The following CDC42BPA variants were observed in gnomAD, a reference collection of about 807,000 sequenced individuals.
The protein encoded by CDC42BPA is serine/threonine-protein kinase MRCK alpha.
In CDC42BPA, 80 loss-of-function variants were observed where a neutral mutation model predicts 223.5. The ratio of observed to expected loss-of-function variants is 0.36; its 90% CI spans 0.30 to 0.43. The LOEUF (loss-of-function observed/expected upper bound fraction) is 0.43. Ranked by LOEUF, CDC42BPA falls within the 20% of genes least tolerant of loss-of-function variation. The pLI is 1.00. For missense variants in CDC42BPA, 1,743 were observed against 2,099.9 expected (o/e 0.83, Z 3.32); for synonymous variants, 694 against 718.6 (o/e 0.97, Z 0.55).
At position 227,051,861 on chromosome 1, in the gene CDC42BPA, G is replaced by C. The variant is rs34111989; in HGVS notation, c.3009+20C>G. The C allele has an allele frequency of 0.19, 243,874 of 1,301,764 alleles. 23,289 individuals carry two copies. The highest frequency in any genetic ancestry group is 0.2 in the Non-Finnish European group (191,429 of 962,962). The allele number at this position is 1,301,764 out of a possible 1,614,324, so 80.6% of individuals were successfully genotyped here. ...GACACAAGTGAAAAGTTGGGGAGCA[G>C]GGATGCTCCAATAAGGCACCTTAAC... On this transcript the variant is annotated intron_variant, in intron 22 of 36. Transcript: ENST00000366766.
intron 7 of CDC42BPA, among the ~76,000 whole-genome samples, chr1:227,146,254 T>TC (rs1324730704): frequency 6.6e-6 from 1 of 152,136 alleles, no homozygotes; most frequent in East Asian, 1.9e-4. Flanking sequence ...CAAGTAACTT[T>TC]CTCAACATTA....
At chr1:227,083,460 C>T (rs1238345010) in intron 16 of CDC42BPA, among the ~76,000 whole-genome samples, 3 of 152,140 alleles carry the variant, frequency 2.0e-5, no homozygotes, top group Non-Finnish European at 4.4e-5. Flanking sequence ...ACAAATCACA[C>T]GATTAAAGTC....
At chr1:227,210,291 T>C (rs1049323774) in intron 3 of CDC42BPA, among the ~76,000 whole-genome samples, 1 of 152,174 alleles carries the variant, frequency 6.6e-6, no homozygotes, top group Admixed American at 6.5e-5. Flanking sequence ...TCTTAAACTT[T>C]CTTTGTATGG....
chr1:227,265,239 T>C (rs1463058528), intron 1 of CDC42BPA: 1 of 557,288 alleles, frequency 1.8e-6, no homozygotes, highest in African/African-American at 1.9e-5. Flanking sequence ...CCTGAGGTGT[T>C]AGTTTGATTG....
At chr1:227,279,621 A>G (rs1321879752) in intron 1 of CDC42BPA, among the ~76,000 whole-genome samples, 1 of 152,146 alleles carries the variant, frequency 6.6e-6, no homozygotes, top group African/African-American at 2.4e-5. Flanking sequence ...TGAAGGCTTT[A>G]TATTTGGAGA....
intron 15 of CDC42BPA, among the ~76,000 whole-genome samples, chr1:227,097,580 A>C (rs1684243140): frequency 6.6e-6 from 1 of 152,292 alleles, no homozygotes; most frequent in Non-Finnish European, 1.5e-5. Flanking sequence ...TGCCAGGAAA[A>C]GGCAGTCTAC....
chr1:227,135,603 C>T (rs145722452), intron 10 of CDC42BPA, among the ~76,000 whole-genome samples: 8,189 of 151,988 alleles, frequency 0.054, 247 homozygotes, highest in Non-Finnish European at 0.072. Flanking sequence ...GCCTGTAATC[C>T]CAGCACTTAG....
chr1:227,057,382 T>G (rs1204407044), intron 21 of CDC42BPA, among the ~76,000 whole-genome samples: 1 of 152,178 alleles, frequency 6.6e-6, no homozygotes, highest in African/African-American at 2.4e-5. Context: ...TTAAATTTAT[T>G]AAAATACTGC....
At chr1:227,145,293 A>G (rs1177686910) in intron 8 of CDC42BPA, among the ~76,000 whole-genome samples, 196 bp downstream of exon 8, 4 of 152,206 alleles carry the variant, frequency 2.6e-5, no homozygotes, top group Admixed American at 6.5e-5. Context: ...CTTAGTCACA[A>G]ATAACTATGT....
chr1:227,295,301 T>C (rs113739207), intron 1 of CDC42BPA, among the ~76,000 whole-genome samples: 57 of 152,050 alleles, frequency 3.7e-4, no homozygotes, highest in Non-Finnish European at 6.6e-4. Flanking sequence ...ACTGGGACTA[T>C]AGACGCACAC....
At chr1:227,232,054 T>TG (rs1240556928) in intron 2 of CDC42BPA, among the ~76,000 whole-genome samples, 1 of 152,252 alleles carries the variant, frequency 6.6e-6, no homozygotes, top group Admixed American at 6.5e-5. Flanking sequence ...ATGAAGTCCT[T>TG]GCCCATGCCA....
At chr1:227,297,431 TAAGC>T (rs1431399301) in intron 1 of CDC42BPA, among the ~76,000 whole-genome samples, 1 of 152,144 alleles carries the variant, frequency 6.6e-6, no homozygotes, top group African/African-American at 2.4e-5. Flanking sequence ...ATATCACTCC[TAAGC>T]ATATATGCAA....
At chr1:227,273,292 T>C (rs1239947902) in intron 1 of CDC42BPA, among the ~76,000 whole-genome samples, 1 of 141,032 alleles carries the variant, frequency 7.1e-6, no homozygotes, top group African/African-American at 2.6e-5. Flanking sequence ...AATGAGACTC[T>C]GTCTCAAAAA....
chr1:227,060,378 C>T (rs1228790492), intron 21 of CDC42BPA, among the ~76,000 whole-genome samples: 1 of 152,094 alleles, frequency 6.6e-6, no homozygotes, highest in African/African-American at 2.4e-5. Flanking sequence ...TTCAGTGCAA[C>T]CTAACATTTG....
Position 226,994,168 on chromosome 1 carries a change from T to TG in CDC42BPA, c.*99dup. On this transcript the variant is annotated 3_prime_UTR_variant, in exon 37 of 37. Coordinates refer to ENST00000366766, the MANE Select transcript of CDC42BPA (RefSeq NM_001394014.1). This position sits in a 1 kb window ranked among gnomAD's most constrained non-coding sequence, Gnocchi z 4.0. ...TCCTGCTACTGCTGCCAGCCCCTGGTGGCTTTCAGGCCGAGCAGGCGAGGT... is the reference window on the plus strand; with the variant it reads ...TCCTGCTACTGCTGCCAGCCCCTGGTGGGCTTTCAGGCCGAGCAGGCGAGGT... 1.7e-6 allele frequency: 2 copies of TG among 1,195,732 alleles called. No homozygotes were observed. Among genetic ancestry groups the TG allele is most frequent in the Non-Finnish European group, 2.3e-6 (2 of 856,154 alleles). 74.1% of individuals were successfully genotyped at this position (1,195,732 alleles called of 1,614,324 possible). A position where few individuals can be genotyped will look rare whatever the true frequency, so the allele number is the denominator to read the frequency against.
At chr1:227,076,736 C>T (rs1424608667) in intron 17 of CDC42BPA, among the ~76,000 whole-genome samples, 1 of 152,050 alleles carries the variant, frequency 6.6e-6, no homozygotes, top group African/African-American at 2.4e-5. Flanking sequence ...CCTACTACAC[C>T]TCATATTTTC....
chr1:227,025,842 C>T (rs1668152505), intron 31 of CDC42BPA, among the ~76,000 whole-genome samples: 1 of 151,882 alleles, frequency 6.6e-6, no homozygotes. Flanking sequence ...TTTGCATAAA[C>T]CAAATATAGT....
chr1:227,188,149 A>C (rs1015005108), intron 5 of CDC42BPA, among the ~76,000 whole-genome samples: 1 of 152,184 alleles, frequency 6.6e-6, no homozygotes. Flanking sequence ...AAAAGATAAC[A>C]GTTTGATCAA....
At chr1:227,090,586 G>A (rs1484160784) in intron 16 of CDC42BPA, among the ~76,000 whole-genome samples, 3 of 152,080 alleles carry the variant, frequency 2.0e-5, no homozygotes, top group Non-Finnish European at 4.4e-5. Context: ...TGAGGTGGGC[G>A]GATTGCTTGA....
Sources: allele counts gnomAD v4.1 joint callset (sites outside exome capture counted in the v4.1 genomes callset), GRCh38; gene constraint gnomAD v4.1.1; non-coding constraint Gnocchi (gnomAD v3.1); transcripts MANE v1.5; gene names NCBI Gene and HGNC (gene_info 2026-07-23, HGNC 2026-07-21).